Variants in ZC3H3 observed in about 807,000 individuals in gnomAD.
ZC3H3 encodes zinc finger CCCH domain-containing protein 3.
ZC3H3 carries 36 observed loss-of-function variants against 77.3 expected under a neutral mutation model. The observed-to-expected ratio is 0.47, with a 90% CI of 0.36 to 0.61. The LOEUF is 0.61. Ranked by LOEUF, ZC3H3 falls within the 20% of genes least tolerant of loss-of-function variation. ZC3H3 has a pLI of 0.00. For synonymous variants in ZC3H3, 626 were observed against 555.2 expected (o/e 1.13, Z -1.79); for missense variants, 1,331 against 1,312.2 (o/e 1.01, Z -0.22).
In ZC3H3 at chr8:143,449,052, G is replaced by A. The variant is rs1018324128; in HGVS notation, c.2308-7932C>T. On this transcript the variant is annotated intron_variant, in intron 9 of 11. Coordinates refer to ENST00000262577, the MANE Select transcript of ZC3H3 (RefSeq NM_015117.3). ...AGCTGGACTGGCTGGACACAGGGAC[G>A]CAGATCCTGGGGCTGTGCAGGGCAG... is the stretch of plus-strand genomic sequence containing the variant. 3.3e-5 allele frequency among the ~76,000 whole-genome samples: 5 copies of A among 152,352 alleles called. 2 individuals carry two copies. The highest frequency in any genetic ancestry group is 2.4e-5 in the African/African-American group (1 of 41,586).
chr8:143,500,999 T>C (rs1160756644), intron 4 of ZC3H3, among the ~76,000 whole-genome samples: 3 of 144,170 alleles, frequency 2.1e-5, no homozygotes, highest in Non-Finnish European at 4.5e-5. Flanking sequence ...TTTTTTTAAG[T>C]AGAGACGGGG....
Position 143,460,806 on chromosome 8 carries a change from CCACTGACGGGACA to C in ZC3H3, c.2307+4898_2307+4910del, listed in dbSNP as rs1820241631. 1.3e-5 allele frequency among the ~76,000 whole-genome samples: 2 copies of C among 152,258 alleles called. No homozygotes were observed. Among genetic ancestry groups the C allele is most frequent in the South Asian group, 4.1e-4 (2 of 4,822 alleles). ...ACCAAAGGACAGATGCTGGATGATT[CCACTGACGGGACA>C]CAGCTAGACCCTGGAAACATTACGC... On this transcript the variant is annotated intron_variant, in intron 9 of 11. Transcript: ENST00000262577. The surrounding 1 kb of genome is among the most constrained non-coding windows in gnomAD (Gnocchi z 4.0).
At chr8:143,458,300 A>C (rs1296235791) in intron 9 of ZC3H3, among the ~76,000 whole-genome samples, 1 of 152,266 alleles carries the variant, frequency 6.6e-6, no homozygotes, top group Non-Finnish European at 1.5e-5. Context: ...ATCTAACTAG[A>C]TCTACACAGC....
Position 143,475,585 on chromosome 8 carries a change from C to A in ZC3H3, c.1716G>T (p.Arg572Ser), listed in dbSNP as rs763125798. 23 of 1,589,708 alleles carry A rather than the reference C, an allele frequency of 1.4e-5. No individual in the cohort carries two copies. The highest frequency in any genetic ancestry group is 2.0e-5 in the Non-Finnish European group (23 of 1,168,322). ...SWRARRLSLSRSLVLNRLRPV... is the reference protein window; with the variant it reads ...SWRARRLSLSSSLVLNRLRPV... Reference sequence around the variant, plus strand: ...GACGCAGGCGGTTCAGCACCAGGGACCTGCAGAGACAGGAAATGCCCGTCA... The same window carrying A: ...GACGCAGGCGGTTCAGCACCAGGGAACTGCAGAGACAGGAAATGCCCGTCA... Residue 572 changes from arginine to serine, a missense_variant and splice_region_variant, in exon 5 of 12, where the codon AGG (arginine) becomes AGT (serine). Transcript: ENST00000262577.
intron 8 of ZC3H3, among the ~76,000 whole-genome samples, chr8:143,466,436 G>A (rs1424965460): frequency 3.3e-5 from 5 of 152,246 alleles, no homozygotes; most frequent in Non-Finnish European, 5.9e-5. Flanking sequence ...GAAGGGTCCA[G>A]CAGCGTCTTC....
Position 143,440,026 on chromosome 8 carries a change from G to A in ZC3H3, c.2815+15C>T. On this transcript the variant is annotated intron_variant, in intron 11 of 11. Coordinates refer to ENST00000262577, the MANE Select transcript of ZC3H3 (RefSeq NM_015117.3). ...AGGGGGGCCCTGGGGGCCCGAGCCA[G>A]GCCGTGCTGCCTACCTGAGTCCTTG... 6.7e-7 allele frequency: 1 copy of A among 1,501,486 alleles called. No homozygotes were observed. Among genetic ancestry groups the A allele is most frequent in the Non-Finnish European group, 8.9e-7 (1 of 1,123,922 alleles). 93.0% of individuals were successfully genotyped at this position (1,501,486 alleles called of 1,614,324 possible).
chr8:143,479,286 C>T lies in ZC3H3; in HGVS notation c.1716-3701G>A, dbSNP rs144541544. ...GGGGCGAGGGCCTTGTAGCTTTTCA[C>T]GGCCGTGGGTGTCACAGCACTCCAG... On this transcript the variant is annotated intron_variant, in intron 4 of 11. Coordinates refer to ENST00000262577, the MANE Select transcript of ZC3H3 (RefSeq NM_015117.3). Among the ~76,000 whole-genome samples the T allele has an allele frequency of 4.6e-4, 70 of 152,270 alleles. 1 individual carries two copies. Among genetic ancestry groups the T allele is most frequent in the African/African-American group, 1.6e-3 (66 of 41,548 alleles).
chr8:143,497,348 C>T (rs1038735342), intron 4 of ZC3H3, among the ~76,000 whole-genome samples: 6 of 151,808 alleles, frequency 4.0e-5, no homozygotes, highest in Admixed American at 1.3e-4. Context: ...CCTTCCCAAT[C>T]CCCCCCAACC....
chr8:143,488,872 C>T (rs1034068722), intron 4 of ZC3H3, among the ~76,000 whole-genome samples: 2 of 152,194 alleles, frequency 1.3e-5, no homozygotes, highest in Non-Finnish European at 2.9e-5. Flanking sequence ...TGGAGACAAG[C>T]GAATAGGGAA....
At position 143,533,110 on chromosome 8, in the gene ZC3H3, C is replaced by G. The variant is rs148710616; in HGVS notation, c.1561+3147G>C. On this transcript the variant is annotated intron_variant, in intron 3 of 11. Transcript: ENST00000262577. This position sits in a 1 kb window ranked among gnomAD's most constrained non-coding sequence, Gnocchi z 4.0. ...CCCCTCCCAGGGTCCTCCCCTGTCC[C>G]TCCCTGGCTTCCCAACGTAACCAGA... 6.6e-6 allele frequency among the ~76,000 whole-genome samples: 1 copy of G among 152,300 alleles called. No homozygotes were observed. The highest frequency in any genetic ancestry group is 1.5e-5 in the Non-Finnish European group (1 of 68,024).
intron 8 of ZC3H3, 87 bp downstream of exon 8, chr8:143,468,122 A>C: frequency 6.7e-7 from 1 of 1,486,248 alleles, no homozygotes; most frequent in Non-Finnish European, 9.2e-7. Flanking sequence ...ACCCAGAGAA[A>C]GCTGTGGGCA....
chr8:143,483,093 C>T (rs555813616), intron 4 of ZC3H3, among the ~76,000 whole-genome samples: 13 of 152,340 alleles, frequency 8.5e-5, no homozygotes, highest in Admixed American at 1.3e-4. Flanking sequence ...CACAATTTTT[C>T]GAAGCTTGGA....
intron 9 of ZC3H3, among the ~76,000 whole-genome samples, chr8:143,454,887 G>A (rs1420590271): frequency 6.6e-6 from 1 of 152,134 alleles, no homozygotes; most frequent in Non-Finnish European, 1.5e-5. Flanking sequence ...TGGTACTGCA[G>A]CACTTGTGTC....
Position 143,460,100 on chromosome 8 carries a change from G to T in ZC3H3, c.2307+5617C>A, listed in dbSNP as rs544564352. 6.6e-6 allele frequency among the ~76,000 whole-genome samples: 1 copy of T among 152,068 alleles called. No individual in the cohort carries two copies. Among genetic ancestry groups the T allele is most frequent in the African/African-American group, 2.4e-5 (1 of 41,512 alleles). On this transcript the variant is annotated intron_variant, in intron 9 of 11. Coordinates refer to ENST00000262577, the MANE Select transcript of ZC3H3 (RefSeq NM_015117.3). This position sits in a 1 kb window ranked among gnomAD's most constrained non-coding sequence, Gnocchi z 4.0. ...GTCTCTACTAAAAACACAAAAATTA[G>T]CTGGGTTTGGTGGCACATGCACCTG...
At chr8:143,518,897 C>T (rs1461261576) in intron 3 of ZC3H3, among the ~76,000 whole-genome samples, 1 of 152,240 alleles carries the variant, frequency 6.6e-6, no homozygotes, top group East Asian at 1.9e-4. Flanking sequence ...CGGGGTGGCA[C>T]CAGCCCGGCA....
rs937097194 is a variant in ZC3H3, at chr8:143,494,857, C to T, written c.1715+12889G>A. Among the ~76,000 whole-genome samples, 3 of 152,210 alleles carry T rather than the reference C, an allele frequency of 2.0e-5. No individual in the cohort carries two copies. The highest frequency in any genetic ancestry group is 7.2e-5 in the African/African-American group (3 of 41,450). On this transcript the variant is annotated intron_variant, in intron 4 of 11. Transcript: ENST00000262577. The surrounding 1 kb of genome is among the most constrained non-coding windows in gnomAD (Gnocchi z 5.3). ...AAACGGCCTGAGCAGACCTTTCACA[C>T]GGGAAGACCACCAGTGGCCTTACGT... is the stretch of plus-strand genomic sequence containing the variant.
In ZC3H3 at chr8:143,538,914, T is replaced by A. The variant is rs3750207; in HGVS notation, c.453A>T (p.Glu151Asp). The A allele has an allele frequency of 2.5e-6, 4 of 1,612,674 alleles. 1 individual carries two copies. In the South Asian group the frequency reaches 4.4e-5, roughly 18 times the overall value. ...GGGGCCTTTGGTCACTCCAGGGGGTTTCCTCAAATTCTTCCAAAGAGCCCC... is the reference window on the plus strand; with the variant it reads ...GGGGCCTTTGGTCACTCCAGGGGGTATCCTCAAATTCTTCCAAAGAGCCCC... ...AQRGSLEEFE[E>D]TPWSDQRPRE... The change falls in exon 2 of 12, where the codon GAA becomes GAT. Residue 151 changes from glutamate to aspartate, a missense_variant. Coordinates refer to ENST00000262577, the MANE Select transcript of ZC3H3 (RefSeq NM_015117.3).
At chr8:143,471,062 C>T (rs1210513296) in intron 5 of ZC3H3, among the ~76,000 whole-genome samples, 1 of 152,216 alleles carries the variant, frequency 6.6e-6, no homozygotes, top group Non-Finnish European at 1.5e-5. Context: ...AGAGGTTCCT[C>T]AGCACCTCCA....
At chr8:143,537,350 A>G (rs1822834857) in intron 2 of ZC3H3, among the ~76,000 whole-genome samples, 1 of 152,180 alleles carries the variant, frequency 6.6e-6, no homozygotes, top group Non-Finnish European at 1.5e-5. Flanking sequence ...TCCGCAAGGG[A>G]GGCCACAGAG....
Sources: gnomAD v4.1 joint callset for allele counts (sites outside exome capture counted in the v4.1 genomes callset) on GRCh38, gnomAD v4.1.1 for gene constraint, Gnocchi (gnomAD v3.1) non-coding constraint, MANE v1.5 for transcripts, NCBI Gene and HGNC (gene_info 2026-07-23, HGNC 2026-07-21) for gene names.